Variants in HNRNPH1 observed in about 807,000 individuals in gnomAD.
HNRNPH1 encodes the protein heterogeneous nuclear ribonucleoprotein H1.
HNRNPH1 carries 4 observed loss-of-function variants against 58.6 expected under a neutral mutation model. That is an observed-to-expected ratio of 0.07 (90% CI 0.03 to 0.16). The LOEUF is 0.16. Among genes scored for constraint, HNRNPH1 ranks in the 10% least tolerant of loss-of-function variants. HNRNPH1 has a pLI of 1.00. For synonymous variants in HNRNPH1, 192 were observed against 189.2 expected (o/e 1.01, Z -0.12); for missense variants, 271 against 564.2 (o/e 0.48, Z 5.26).
chr5:179,626,729 A>G (rs990070071), upstream of HNRNPH1, among the ~76,000 whole-genome samples: 1 of 151,536 alleles, frequency 6.6e-6, no homozygotes, highest in Non-Finnish European at 1.5e-5. Flanking sequence ...AAAAAAAAAA[A>G]AAAATTCATC....
intron 4 of HNRNPH1, 142 bp downstream of exon 5, chr5:179,619,127 C>G (rs556847162): frequency 1.4e-6 from 1 of 727,522 alleles, no homozygotes; most frequent in Admixed American, 2.9e-5. Context: ...TAACGTGGGA[C>G]TGACACAAGT....
rs562501200 is a variant in HNRNPH1 at position 179,631,621 on chromosome 5, C to T, written c.-32+2444G>A. On this transcript the variant is annotated intron_variant, in intron 2 of 4. Coordinates refer to the HNRNPH1 transcript ENST00000521116. ...AATTAGCCAGGTGCAGTGGCGTAGGCCTGTAATCCCAGCTACTCAGGGGGC... is the reference window on the plus strand; with the variant it reads ...AATTAGCCAGGTGCAGTGGCGTAGGTCTGTAATCCCAGCTACTCAGGGGGC... Among the ~76,000 whole-genome samples, 275 of 152,252 alleles carry T rather than the reference C, an allele frequency of 1.8e-3. 1 individual carries two copies. Among genetic ancestry groups the T allele is most frequent in the Admixed American group, 4.9e-3 (75 of 15,280 alleles).
upstream of HNRNPH1, chr5:179,629,086 A>T (rs566079475): frequency 6.7e-6 from 1 of 149,176 alleles, no homozygotes; most frequent in African/African-American, 2.4e-5. Context: ...TCACAAGGTC[A>T]GCAGATCGAG....
intron 2 of HNRNPH1, among the ~76,000 whole-genome samples, chr5:179,633,099 C>T (rs1349354196): frequency 6.6e-6 from 1 of 151,956 alleles, no homozygotes; most frequent in African/African-American, 2.4e-5. Flanking sequence ...CCTCGTGATC[C>T]ACCTGCCTCA....
exon 13 of HNRNPH1, chr5:179,614,793 A>G: frequency 1.1e-6 from 1 of 923,856 alleles, no homozygotes. Flanking sequence ...AGAAAAAAAA[A>G]AAAAAAAAAA....
intron 1 of HNRNPH1, among the ~76,000 whole-genome samples, chr5:179,622,535 A>AC (rs1380596653): frequency 1.3e-5 from 2 of 152,062 alleles, no homozygotes; most frequent in African/African-American, 4.8e-5. Context: ...AAATAGTGAA[A>AC]CCCCGTCTCT....
chr5:179,615,413 T>TA, intron 12 of HNRNPH1, 133 bp downstream of exon 13: 1 of 545,102 alleles, frequency 1.8e-6, no homozygotes, highest in Admixed American at 3.5e-5. Context: ...CAAGCTGGAC[T>TA]AAAGGCAACT....
At chr5:179,630,164 CAT>C (rs1179124966) in intron 2 of HNRNPH1, among the ~76,000 whole-genome samples, 2 of 151,868 alleles carry the variant, frequency 1.3e-5, no homozygotes, top group African/African-American at 4.8e-5. Context: ...GCCTGACCAA[CAT>C]AGAGAAACCC....
upstream of HNRNPH1, among the ~76,000 whole-genome samples, chr5:179,627,738 A>G (rs1432145871): frequency 5.3e-5 from 7 of 132,658 alleles, no homozygotes; most frequent in South Asian, 9.3e-4. Context: ...GTTGGCCAAC[A>G]TGGTGAAACC....
chr5:179,616,699 TTCA>T, intron 10 of HNRNPH1, 167 bp downstream of exon 11: 1 of 642,688 alleles, frequency 1.6e-6, no homozygotes, highest in Non-Finnish European at 2.7e-6. Flanking sequence ...CCTAAGGAAC[TTCA>T]TAACTCACAA....
Position 179,623,119 on chromosome 5 carries a change from C to G in HNRNPH1, c.15G>C (p.Thr5=), listed in dbSNP as rs146528986. ...TCACCACGAATCCCTCTCCACCTTCCGTGCCCAACATCATCGTCTCTTACG... is the reference window on the plus strand; with the variant it reads ...TCACCACGAATCCCTCTCCACCTTCGGTGCCCAACATCATCGTCTCTTACG... The change falls in exon 1 of 13, where the codon ACG becomes ACC. Residue 5 remains threonine, a synonymous_variant. Transcript: ENST00000356731. The G allele has an allele frequency of 4.2e-5, 68 of 1,607,008 alleles. No homozygotes were observed. In the East Asian group the frequency reaches 1.1e-3, roughly 26 times the overall value.
At chr5:179,633,481 T>G (rs1202878627) in intron 2 of HNRNPH1, among the ~76,000 whole-genome samples, 1 of 144,374 alleles carries the variant, frequency 6.9e-6, no homozygotes, top group Non-Finnish European at 1.5e-5. Flanking sequence ...TTTTTTTTTT[T>G]TTTTGTATTT....
intron 11 of HNRNPH1, 157 bp downstream of exon 12, chr5:179,615,969 A>C (rs1415462594): frequency 1.6e-6 from 1 of 629,606 alleles, no homozygotes; most frequent in Non-Finnish European, 2.9e-6. Context: ...TTCATAACCC[A>C]ATTTCACCGA....
chr5:179,616,835 C>A, intron 10 of HNRNPH1, 34 bp downstream of exon 11: 6 of 1,531,506 alleles, frequency 3.9e-6, no homozygotes, highest in Non-Finnish European at 5.4e-6. Context: ...CAGATATAAA[C>A]GTTTTGGTTT....
intron 12 of HNRNPH1, 106 bp from the exon 14 acceptor site, chr5:179,615,065 T>C (rs1461494637): frequency 2.7e-6 from 2 of 734,488 alleles, no homozygotes; most frequent in Admixed American, 2.1e-5. Flanking sequence ...TACAAATGGC[T>C]GCTGTCCAAG....
At chr5:179,620,668 GAACTAT>G in intron 3 of HNRNPH1, 1 of 517,646 alleles carries the variant, frequency 1.9e-6, no homozygotes, top group Non-Finnish European at 3.5e-6. Context: ...GATCTACTCT[GAACTAT>G]AATACTAAAT....
chr5:179,622,457 TC>T (rs1772922292), intron 1 of HNRNPH1, among the ~76,000 whole-genome samples: 1 of 152,180 alleles, frequency 6.6e-6, no homozygotes, highest in Non-Finnish European at 1.5e-5. Context: ...ACGCCTGTAA[TC>T]CCAGCATTTT....
At chr5:179,618,456 C>A in intron 4 of HNRNPH1, 133 bp from the exon 6 acceptor site, 1 of 553,770 alleles carries the variant, frequency 1.8e-6, no homozygotes, top group Non-Finnish European at 3.0e-6. Flanking sequence ...AGCCAGATTT[C>A]TTATATTTGC....
At chr5:179,620,674 T>C (rs921686628) in intron 3 of HNRNPH1, 2 of 538,644 alleles carry the variant, frequency 3.7e-6, no homozygotes, top group African/African-American at 1.9e-5. Flanking sequence ...CTCTGAACTA[T>C]AATACTAAAT....
Sources: gnomAD v4.1 joint callset for allele counts (sites outside exome capture counted in the v4.1 genomes callset) on GRCh38, gnomAD v4.1.1 for gene constraint, MANE v1.5 for transcripts, NCBI Gene and HGNC (gene_info 2026-07-23, HGNC 2026-07-21) for gene names.